HMCN2: variants seen among roughly 807,000 people sequenced by gnomAD.
HMCN2 encodes hemicentin-2.
Under a neutral mutation model 377.5 loss-of-function variants are expected in HMCN2, and 325 were observed. The observed-to-expected ratio is 0.86, with a 90% CI of 0.79 to 0.94. The LOEUF (loss-of-function observed/expected upper bound fraction) is 0.94, where lower values mean the gene tolerates loss of function less well. HMCN2 is among the 40% of genes least tolerant of loss of function. The probability of loss-of-function intolerance (pLI) is 0.00; values close to 1 mark genes in which losing one functional copy is unlikely to be tolerated. For missense variants in HMCN2, 4,543 were observed against 4,725.3 expected (o/e 0.96, Z 1.13); for synonymous variants, 2,007 against 2,046.8 (o/e 0.98, Z 0.53).
chr9:130,420,332 C>T (rs1271395647), intron 86 of HMCN2, among the ~76,000 whole-genome samples: 1 of 152,022 alleles, frequency 6.6e-6, no homozygotes, highest in African/African-American at 2.4e-5. Flanking sequence ...TCTCGGCCTC[C>T]CAAAGTGCTG....
intron 66 of HMCN2, among the ~76,000 whole-genome samples, chr9:130,392,805 G>T (rs1343547476): frequency 6.6e-6 from 1 of 152,050 alleles, no homozygotes; most frequent in African/African-American, 2.4e-5. Flanking sequence ...GACCATCCTG[G>T]CTAACACGGT....
chr9:130,288,622 A>G (rs1835553862), intron 4 of HMCN2, among the ~76,000 whole-genome samples: 1 of 152,192 alleles, frequency 6.6e-6, no homozygotes, highest in Non-Finnish European at 1.5e-5. Flanking sequence ...ACCTCTTCAG[A>G]GTGCATCCAG....
At chr9:130,367,494 T>G (rs1840758632) in intron 43 of HMCN2, among the ~76,000 whole-genome samples, 1 of 152,152 alleles carries the variant, frequency 6.6e-6, no homozygotes, top group Non-Finnish European at 1.5e-5. Flanking sequence ...AGGTCGAGGT[T>G]GACAAATCCT....
At chr9:130,424,551 T>A (rs1844216892) in intron 87 of HMCN2, among the ~76,000 whole-genome samples, 1 of 152,216 alleles carries the variant, frequency 6.6e-6, no homozygotes, top group African/African-American at 2.4e-5. Context: ...TTTCCTTGTA[T>A]AAATTTATTA....
At chr9:130,416,116 T>TA (rs1242901633) in intron 85 of HMCN2, among the ~76,000 whole-genome samples, 2 of 149,708 alleles carry the variant, frequency 1.3e-5, no homozygotes, top group African/African-American at 4.9e-5. Context: ...TTTTTTTTTT[T>TA]TTTTTGGAGA....
intron 1 of HMCN2, among the ~76,000 whole-genome samples, chr9:130,277,752 C>G (rs375708377): frequency 3.1e-5 from 4 of 128,888 alleles, no homozygotes; most frequent in East Asian, 4.3e-4. Context: ...CCACCACCAC[C>G]ATCATCATCA....
chr9:130,416,345 T>A (rs1195400920), intron 85 of HMCN2, among the ~76,000 whole-genome samples: 2 of 152,138 alleles, frequency 1.3e-5, no homozygotes, highest in Non-Finnish European at 2.9e-5. Flanking sequence ...CTTAAGGTGA[T>A]CCACCCGCCT....
chr9:130,379,341 A>G lies in HMCN2; in HGVS notation c.8305A>G (p.Arg2769Gly). 1 of 985,752 alleles carries G rather than the reference A, an allele frequency of 1.0e-6. No homozygotes were observed. Among genetic ancestry groups the G allele is most frequent in the Non-Finnish European group, 1.2e-6 (1 of 829,928 alleles). 61.1% of individuals were successfully genotyped at this position (985,752 alleles called of 1,614,324 possible). Reference sequence around the variant, plus strand: ...GGCCCGGGGCGGAGTCACGGAATACAGGGAGATCGTGGAGAACAACCCAGC... The same window carrying G: ...GGCCCGGGGCGGAGTCACGGAATACGGGGAGATCGTGGAGAACAACCCAGC... ...EEARGGVTEY[R>G]EIVENNPAYL... Residue 2769 changes from arginine to glycine, a missense_variant, in exon 54 of 98, where the codon AGG becomes GGG. Transcript: ENST00000683500.
rs905303759 is a variant in HMCN2 at position 130,376,548 on chromosome 9, G to T, written c.7951G>T (p.Ala2651Ser). 1.3e-5 allele frequency: 13 copies of T among 985,736 alleles called. No individual in the cohort carries two copies. The highest frequency in any genetic ancestry group is 1.0e-3 in the Middle Eastern group (2 of 1,934). The allele number at this position is 985,736 out of a possible 1,614,324, so 61.1% of individuals were successfully genotyped here. The change falls in exon 52 of 98, where the codon GCG becomes TCG. Residue 2651 changes from alanine (A) to serine (S), a missense_variant. Transcript: ENST00000683500. ...TTCCATCTCCAAAGACGACCCCTTG[G>T]CGGAGGTCGGCGTGAAGGAGGTGAA... ...PPSISKDDPL[A>S]EVGVKEVKTK...
At position 130,425,133 on chromosome 9, in the gene HMCN2, C is replaced by T. The variant is rs753331396; in HGVS notation, c.13641+3C>T. 3.2e-5 allele frequency: 50 copies of T among 1,545,768 alleles called. No individual in the cohort carries two copies. In the South Asian group the frequency reaches 3.6e-4, roughly 11 times the overall value. On this transcript the variant is annotated splice_donor_region_variant and intron_variant, in intron 89 of 97. Coordinates refer to ENST00000683500, the MANE Select transcript of HMCN2 (RefSeq NM_001291815.2). ...CTGACGCAGATCTTCAAGTGCAGGT[C>T]GGGGGTCAAGCCCTGGGGTGTGCAG...
chr9:130,429,604 CTCTGCGAGAACACCCCAGGCGG>C lies in HMCN2; in HGVS notation c.14248_14269del (p.Cys4750ThrfsTer19). ...GTTGGACGACTGTCACTACAACCAGCTCTGCGAGAACACCCCAGGCGGTCACCGCTGCAGCTGCCCCAGGGGT... is the reference window on the plus strand; with the variant it reads ...GTTGGACGACTGTCACTACAACCAGCTCACCGCTGCAGCTGCCCCAGGGGT... On this transcript the variant is annotated frameshift_variant, in exon 94 of 98. Transcript: ENST00000683500. LOFTEE classifies it high-confidence loss of function. 1 of 1,550,346 alleles carries C rather than the reference CTCTGCGAGAACACCCCAGGCGG, an allele frequency of 6.5e-7. No homozygotes were observed. Among genetic ancestry groups the C allele is most frequent in the Non-Finnish European group, 8.7e-7 (1 of 1,146,840 alleles).
At chr9:130,344,742 G>A (rs1839250879) in intron 25 of HMCN2, among the ~76,000 whole-genome samples, 2 of 148,282 alleles carry the variant, frequency 1.3e-5, no homozygotes, top group Admixed American at 1.3e-4. Flanking sequence ...AATGTGTGGT[G>A]TGTGTGTGTG....
chr9:130,413,033 A>G (rs1463490504), intron 85 of HMCN2, among the ~76,000 whole-genome samples: 2 of 152,024 alleles, frequency 1.3e-5, no homozygotes, highest in African/African-American at 4.8e-5. Flanking sequence ...TCTTTCAGTG[A>G]TGTTTTGTAG....
chr9:130,278,187 C>A (rs954223511), intron 1 of HMCN2, among the ~76,000 whole-genome samples: 9 of 152,122 alleles, frequency 5.9e-5, no homozygotes, highest in Non-Finnish European at 1.3e-4. Context: ...TGCAGTGGCG[C>A]GATCTCAGCT....
At chr9:130,382,473 A>C (rs1261695411) in intron 55 of HMCN2, among the ~76,000 whole-genome samples, 176 bp downstream of exon 55, 1 of 152,188 alleles carries the variant, frequency 6.6e-6, no homozygotes, top group Non-Finnish European at 1.5e-5. Flanking sequence ...CCAAGTCAGA[A>C]GCTTCCTAGC....
intron 15 of HMCN2, among the ~76,000 whole-genome samples, chr9:130,318,876 G>T (rs1368891775): frequency 6.6e-6 from 1 of 152,220 alleles, no homozygotes; most frequent in Non-Finnish European, 1.5e-5. Context: ...TAGAGAAGAG[G>T]GTGAAGAAGA....
intron 23 of HMCN2, among the ~76,000 whole-genome samples, chr9:130,339,699 G>C (rs1024176090): frequency 3.3e-5 from 5 of 152,194 alleles, no homozygotes; most frequent in African/African-American, 1.2e-4. Flanking sequence ...TGTTTTCAGC[G>C]GTTGTGTGTG....
At chr9:130,376,243 A>T (rs988372054) in intron 51 of HMCN2, among the ~76,000 whole-genome samples, 1 of 152,164 alleles carries the variant, frequency 6.6e-6, no homozygotes, top group Admixed American at 6.5e-5. Flanking sequence ...TTTGGAGTAT[A>T]AACAGAGGCT....
rs1227191855 is a variant in HMCN2, at chr9:130,413,925, C to T, written c.12961+3273C>T. Among the ~76,000 whole-genome samples, 4 of 150,792 alleles carry T rather than the reference C, an allele frequency of 2.7e-5. 1 individual carries two copies. The highest frequency in any genetic ancestry group is 7.3e-5 in the African/African-American group (3 of 40,864). The stretch of plus-strand genomic sequence containing the variant: ...CTTTGGGAGACTGAGGCAGCCAGAT[C>T]GCTTGAGCTCAGGAATTTGATATCA... On this transcript the variant is annotated intron_variant, in intron 85 of 97. Transcript: ENST00000683500.
Sources: gnomAD v4.1 joint callset for allele counts (sites outside exome capture counted in the v4.1 genomes callset) on GRCh38, gnomAD v4.1.1 for gene constraint, MANE v1.5 for transcripts, NCBI Gene and HGNC (gene_info 2026-07-23, HGNC 2026-07-21) for gene names.